Variants in ADAM23 observed in about 807,000 individuals in gnomAD.
ADAM23 encodes ADAM metallopeptidase domain 23.
In ADAM23, 33 loss-of-function variants were observed where a neutral mutation model predicts 120.1. The observed-to-expected ratio is 0.27, with a 90% CI of 0.21 to 0.37. The LOEUF is 0.37. Ranked by LOEUF, ADAM23 falls within the 10% of genes least tolerant of loss-of-function variation. ADAM23 has a pLI of 1.00. For missense variants in ADAM23, 862 were observed against 1,058.2 expected, an observed-to-expected ratio of 0.81 and a Z score of 2.57; for synonymous variants, 367 against 375.2, an observed-to-expected ratio of 0.98 and a Z score of 0.25.
At chr2:206,509,569 C>G (rs1011966082) in intron 3 of ADAM23, among the ~76,000 whole-genome samples, 1 of 152,176 alleles carries the variant, frequency 6.6e-6, no homozygotes, top group African/African-American at 2.4e-5. Flanking sequence ...CTGCCTCAGC[C>G]TCTCGAGTAG....
At chr2:206,545,518 A>G (rs1431345044) in intron 6 of ADAM23, among the ~76,000 whole-genome samples, 3 of 152,134 alleles carry the variant, frequency 2.0e-5, no homozygotes, top group Non-Finnish European at 4.4e-5. Context: ...TTAATTTTGA[A>G]ACAGCTAACA....
chr2:206,537,640 C>T (rs528416206), intron 4 of ADAM23, among the ~76,000 whole-genome samples: 1 of 151,858 alleles, frequency 6.6e-6, no homozygotes, highest in Non-Finnish European at 1.5e-5. Flanking sequence ...ATTTTCCCTT[C>T]TTTTTTACTG....
chr2:206,601,024 A>G (rs1052156095), intron 24 of ADAM23, among the ~76,000 whole-genome samples: 4 of 152,178 alleles, frequency 2.6e-5, no homozygotes, highest in Non-Finnish European at 4.4e-5. Context: ...GCTTTGTTCT[A>G]CAAGGACAGA....
intron 12 of ADAM23, among the ~76,000 whole-genome samples, chr2:206,561,526 T>C (rs954207075): frequency 6.6e-6 from 1 of 152,178 alleles, no homozygotes; most frequent in Admixed American, 6.5e-5. Flanking sequence ...TTTTTTGTTA[T>C]AATGCTCCTC....
intron 16 of ADAM23, 65 bp downstream of exon 16, chr2:206,570,876 T>G: frequency 7.2e-7 from 1 of 1,381,906 alleles, no homozygotes. Context: ...GGTATAGCAT[T>G]TGTGAGAGGC....
intron 18 of ADAM23, among the ~76,000 whole-genome samples, chr2:206,578,586 A>G (rs1483441385): frequency 6.6e-6 from 1 of 152,130 alleles, no homozygotes; most frequent in Non-Finnish European, 1.5e-5. Context: ...ATGTATGTAC[A>G]TACACACACA....
chr2:206,559,904 AT>A (rs1410333266), intron 10 of ADAM23, 50 bp from the exon 11 acceptor site: 1 of 1,528,068 alleles, frequency 6.5e-7, no homozygotes, highest in South Asian at 1.3e-5. Context: ...CTGATCGTGC[AT>A]GTTTGACCCA....
intron 3 of ADAM23, among the ~76,000 whole-genome samples, chr2:206,507,298 A>G (rs1559239066): frequency 6.6e-6 from 1 of 152,108 alleles, no homozygotes; most frequent in Admixed American, 6.6e-5. Context: ...TGATTGGAGC[A>G]TGGGGGCAGA....
intron 18 of ADAM23, among the ~76,000 whole-genome samples, chr2:206,574,402 C>CT (rs79570605): frequency 0.059 from 7,566 of 128,646 alleles, 335 homozygotes; most frequent in East Asian, 0.19. Context: ...GTGTGGTTTT[C>CT]TTTTTTTTTT....
chr2:206,564,171 T>C (rs1261926988), intron 13 of ADAM23, among the ~76,000 whole-genome samples: 1 of 152,108 alleles, frequency 6.6e-6, no homozygotes, highest in Non-Finnish European at 1.5e-5. Flanking sequence ...GATAGATGTA[T>C]ACCTCTCTCT....
At chr2:206,614,774 TG>T (rs1240509393) in intron 25 of ADAM23, among the ~76,000 whole-genome samples, 1 of 152,238 alleles carries the variant, frequency 6.6e-6, no homozygotes. Context: ...TGATTTTTAT[TG>T]AATTAGGAAA....
intron 2 of ADAM23, among the ~76,000 whole-genome samples, chr2:206,476,265 A>G (rs1695773245): frequency 6.6e-6 from 1 of 152,210 alleles, no homozygotes; most frequent in South Asian, 2.1e-4. Flanking sequence ...CATTACTTAA[A>G]TGAATATCTC....
At chr2:206,613,255 C>T (rs924583971) in intron 25 of ADAM23, among the ~76,000 whole-genome samples, 8 of 152,180 alleles carry the variant, frequency 5.3e-5, no homozygotes, top group African/African-American at 1.9e-4. Flanking sequence ...GATGGGGTTT[C>T]TCCACGTTGG....
chr2:206,534,344 T>C (rs75732923), intron 4 of ADAM23, among the ~76,000 whole-genome samples: 12,837 of 152,234 alleles, frequency 0.084, 779 homozygotes, highest in Admixed American at 0.18. Flanking sequence ...AAATTACATA[T>C]ATTTAAGGTA....
rs557076268 is a variant in ADAM23 at position 206,516,244 on chromosome 2, A to G, written c.510-14641A>G. ...TTGGGCATTTTTATTAAAAAAAAAA[A>G]AAAGAAAGAAAAAGCCAAGTAGTGA... On this transcript the variant is annotated intron_variant, in intron 3 of 25. Transcript: ENST00000264377. 1.4e-4 allele frequency among the ~76,000 whole-genome samples: 22 copies of G among 151,860 alleles called. No individual in the cohort carries two copies. The South Asian group carries it at 2.7e-3, about 19-fold the overall frequency.
rs1343467632 is a variant in ADAM23 at position 206,617,618 on chromosome 2, C to G, written c.2490C>G (p.Gly830=). The G allele has an allele frequency of 1.2e-6, 2 of 1,613,162 alleles. No individual in the cohort carries two copies. Among genetic ancestry groups the G allele is most frequent in the South Asian group, 2.2e-5 (2 of 90,772 alleles). ...KKRRFDPTQQ[G]PI ...GAAGGTTCGATCCTACTCAGCAAGG[C>G]CCCATCTGAATCAGCTGCGCTGGAT... The change falls in exon 26 of 26, where the codon GGC becomes GGG. Residue 830 remains glycine, a synonymous_variant. Transcript: ENST00000264377.
chr2:206,575,274 A>G (rs1698089246), intron 18 of ADAM23, among the ~76,000 whole-genome samples: 1 of 152,212 alleles, frequency 6.6e-6, no homozygotes, highest in Non-Finnish European at 1.5e-5. Flanking sequence ...CATGTAGGCC[A>G]TGGAAAGAAT....
intron 2 of ADAM23, among the ~76,000 whole-genome samples, chr2:206,462,851 GA>G (rs1315069570): frequency 6.6e-6 from 1 of 152,062 alleles, no homozygotes; most frequent in African/African-American, 2.4e-5. Context: ...GTTTCATCAG[GA>G]AGCCACTGAT....
intron 3 of ADAM23, among the ~76,000 whole-genome samples, chr2:206,492,136 G>C (rs1315245791): frequency 1.3e-5 from 2 of 152,238 alleles, no homozygotes; most frequent in African/African-American, 4.8e-5. Flanking sequence ...GAGAAGTACT[G>C]TGATGGGGAA....
Sources: allele counts gnomAD v4.1 joint callset (sites outside exome capture counted in the v4.1 genomes callset), GRCh38; gene constraint gnomAD v4.1.1; transcripts MANE v1.5; gene names NCBI Gene and HGNC (gene_info 2026-07-23, HGNC 2026-07-21).